The following SEPTIN9 variants were observed in gnomAD, a reference collection of about 807,000 sequenced individuals.
The protein encoded by SEPTIN9 is septin 9, also known as septin-9.
A neutral mutation model predicts 56.6 loss-of-function variants in SEPTIN9; 13 were observed. That is an observed-to-expected ratio of 0.23 (90% confidence interval 0.15 to 0.37). The LOEUF (loss-of-function observed/expected upper bound fraction) is 0.37. Ranked by LOEUF, SEPTIN9 falls within the 10% of genes least tolerant of loss-of-function variation. The probability of loss-of-function intolerance (pLI) is 1.00; values close to 1 mark genes in which losing one functional copy is unlikely to be tolerated. For synonymous variants in SEPTIN9, 332 were observed against 334.1 expected (o/e 0.99, Z 0.07); for missense variants, 650 against 823.1 (o/e 0.79, Z 2.57).
chr17:77,383,928 G>C (rs1167291150), intron 2 of SEPTIN9, among the ~76,000 whole-genome samples: 2 of 152,224 alleles, frequency 1.3e-5, no homozygotes, highest in Non-Finnish European at 2.9e-5. Flanking sequence ...CTGTCTTCAG[G>C]TATGGTAAGC....
intron 3 of SEPTIN9, among the ~76,000 whole-genome samples, chr17:77,479,329 T>TG (rs1159389741): frequency 1.3e-5 from 2 of 152,210 alleles, no homozygotes; most frequent in Non-Finnish European, 2.9e-5. Flanking sequence ...TCTCTGGGTA[T>TG]GGGGGTCTCT....
chr17:77,412,462 C>T (rs938062490), intron 3 of SEPTIN9, among the ~76,000 whole-genome samples: 6 of 152,156 alleles, frequency 3.9e-5, no homozygotes, highest in African/African-American at 9.7e-5. Flanking sequence ...GTAAGCCAGG[C>T]GTGATGGCTA....
intron 2 of SEPTIN9, among the ~76,000 whole-genome samples, chr17:77,344,524 T>C (rs979976053): frequency 2.0e-5 from 3 of 152,186 alleles, no homozygotes; most frequent in Non-Finnish European, 4.4e-5. Flanking sequence ...TCCAAAGAAC[T>C]GACAGCAGGG....
At chr17:77,339,821 T>TG (rs2033670601) in intron 2 of SEPTIN9, among the ~76,000 whole-genome samples, 2 of 100,962 alleles carry the variant, frequency 2.0e-5, no homozygotes, top group Admixed American at 1.2e-4. Context: ...TATTTGTTTT[T>TG]TTTTTGTTGT....
intron 3 of SEPTIN9, among the ~76,000 whole-genome samples, chr17:77,455,383 C>T (rs1052391994): frequency 1.5e-4 from 23 of 152,218 alleles, no homozygotes; most frequent in African/African-American, 3.9e-4. Context: ...CCTGTGCCCC[C>T]GGCAGGGCCT....
chr17:77,369,076 A>G lies in SEPTIN9; in HGVS notation c.77-32983A>G, dbSNP rs530651437. ...GGGTGAATCCTCATCTCTAGTAAAA[A>G]TACAAAAATTAGCCAGGAGTGGTGG... On this transcript the variant is annotated intron_variant, in intron 2 of 11. Coordinates refer to ENST00000427177, the MANE Select transcript of SEPTIN9 (RefSeq NM_001113491.2). This position sits in a 1 kb window ranked among gnomAD's most constrained non-coding sequence, Gnocchi z 4.9. Among the ~76,000 whole-genome samples the G allele has an allele frequency of 6.6e-6, 1 of 152,272 alleles. No homozygotes were observed. Among genetic ancestry groups the G allele is most frequent in the Admixed American group, 6.5e-5 (1 of 15,298 alleles).
intron 3 of SEPTIN9, among the ~76,000 whole-genome samples, chr17:77,460,781 G>A (rs2038436719): frequency 3.3e-5 from 5 of 152,176 alleles, no homozygotes; most frequent in Admixed American, 2.6e-4. Flanking sequence ...TCTTGCATCC[G>A]GGGAGTGGGG....
chr17:77,493,591 C>T (rs183269238), intron 10 of SEPTIN9, among the ~76,000 whole-genome samples: 16 of 152,122 alleles, frequency 1.1e-4, no homozygotes, highest in Admixed American at 5.2e-4. Flanking sequence ...GCCAGAGGTC[C>T]GAAATCAGGG....
intron 2 of SEPTIN9, among the ~76,000 whole-genome samples, chr17:77,345,401 A>G (rs1486712759): frequency 6.6e-6 from 1 of 152,240 alleles, no homozygotes; most frequent in Non-Finnish European, 1.5e-5. Context: ...AAGAACTCGG[A>G]GCGTCCTCCA....
At chr17:77,432,669 G>A (rs548074244) in intron 3 of SEPTIN9, among the ~76,000 whole-genome samples, 5 of 152,252 alleles carry the variant, frequency 3.3e-5, no homozygotes, top group Non-Finnish European at 7.3e-5. Flanking sequence ...GGACTGAGCG[G>A]GGGGTGTGTG....
rs2035446797 is a variant in SEPTIN9 at position 77,389,183 on chromosome 17, C to G, written c.77-12876C>G. On this transcript the variant is annotated intron_variant, in intron 2 of 11. Coordinates refer to ENST00000427177, the MANE Select transcript of SEPTIN9 (RefSeq NM_001113491.2). This position sits in a 1 kb window ranked among gnomAD's most constrained non-coding sequence, Gnocchi z 4.3. Reference sequence around the variant, plus strand: ...AGCTGGGATGCATTTCTAAGAGCAGCATGCGTGAAGCCCGGGGTCTGGGCA... The same window carrying G: ...AGCTGGGATGCATTTCTAAGAGCAGGATGCGTGAAGCCCGGGGTCTGGGCA... Among the ~76,000 whole-genome samples the G allele has an allele frequency of 6.6e-6, 1 of 152,080 alleles. No individual in the cohort carries two copies. Among genetic ancestry groups the G allele is most frequent in the Admixed American group, 6.5e-5 (1 of 15,270 alleles).
Position 77,288,855 on chromosome 17 carries a change from C to T in SEPTIN9, c.19+7301C>T, listed in dbSNP as rs1218522167. 3.3e-5 allele frequency among the ~76,000 whole-genome samples: 5 copies of T among 152,112 alleles called. No individual in the cohort carries two copies. The East Asian group carries it at 5.8e-4, about 18-fold the overall frequency. On this transcript the variant is annotated intron_variant, in intron 1 of 11. Coordinates refer to ENST00000427177, the MANE Select transcript of SEPTIN9 (RefSeq NM_001113491.2). ...GGTGGCGTAGACACCATGGAGGCAC[C>T]GGTAGTGGAAGAGCTGCAAGTGCAC...
intron 3 of SEPTIN9, among the ~76,000 whole-genome samples, chr17:77,431,907 C>T (rs1469099195): frequency 6.6e-6 from 1 of 151,806 alleles, no homozygotes; most frequent in Non-Finnish European, 1.5e-5. Context: ...ACTTTTCGCC[C>T]AAGACTTGCC....
rs183880133 is a variant in SEPTIN9, at chr17:77,462,940, C to T, written c.722-19204C>T. On this transcript the variant is annotated intron_variant, in intron 3 of 11. Coordinates refer to ENST00000427177, the MANE Select transcript of SEPTIN9 (RefSeq NM_001113491.2). ...TGTAGGTGTGAGCTGCTGTGCCTAG[C>T]CTAGGCCTGAGCGTTTTTATGCTGG... 1.7e-3 allele frequency among the ~76,000 whole-genome samples: 259 copies of T among 152,326 alleles called. 1 individual carries two copies. The highest frequency in any genetic ancestry group is 5.8e-3 in the African/African-American group (241 of 41,562).
At chr17:77,439,823 T>G (rs1212997553) in intron 3 of SEPTIN9, among the ~76,000 whole-genome samples, 2 of 152,208 alleles carry the variant, frequency 1.3e-5, no homozygotes, top group Admixed American at 6.5e-5. Flanking sequence ...CTGGGGCGCC[T>G]CCTTCCCCTG....
intron 2 of SEPTIN9, among the ~76,000 whole-genome samples, chr17:77,321,801 C>T (rs987708046): frequency 7.2e-5 from 11 of 152,186 alleles, no homozygotes; most frequent in Admixed American, 3.9e-4. Context: ...CCAGGGGAGA[C>T]GGCAGAAGGC....
At chr17:77,285,741 G>A (rs2031247059) in intron 1 of SEPTIN9, among the ~76,000 whole-genome samples, 1 of 152,222 alleles carries the variant, frequency 6.6e-6, no homozygotes, top group Admixed American at 6.5e-5. Context: ...TCCTGAAGGG[G>A]CACCAGCCAC....
intron 3 of SEPTIN9, among the ~76,000 whole-genome samples, chr17:77,457,014 C>G (rs115232349): frequency 0.01 from 1,524 of 152,326 alleles, 23 homozygotes; most frequent in African/African-American, 0.035. Context: ...GCCATCACTG[C>G]GGTCTCAGGG....
intron 2 of SEPTIN9, among the ~76,000 whole-genome samples, chr17:77,356,243 T>A (rs991434100): frequency 3.3e-5 from 5 of 152,118 alleles, no homozygotes; most frequent in Non-Finnish European, 5.9e-5. Flanking sequence ...CCGCGAGGCT[T>A]CCTAAGCAGC....
Sources: allele counts gnomAD v4.1 joint callset (sites outside exome capture counted in the v4.1 genomes callset), GRCh38; gene constraint gnomAD v4.1.1; non-coding constraint Gnocchi (gnomAD v3.1); transcripts MANE v1.5; gene names NCBI Gene and HGNC (gene_info 2026-07-23, HGNC 2026-07-21).